Variants in FANCD2 observed in about 807,000 individuals in gnomAD.
FANCD2 encodes the protein Fanconi anemia group D2 protein.
A neutral mutation model predicts 192.3 loss-of-function variants in FANCD2; 131 were observed. That is an observed-to-expected ratio of 0.68 (90% CI 0.59 to 0.79). The LOEUF (loss-of-function observed/expected upper bound fraction) is 0.79, where lower values mean the gene tolerates loss of function less well. Ranked by LOEUF, FANCD2 falls within the 30% of genes least tolerant of loss-of-function variation. The pLI is 0.00. For synonymous variants in FANCD2, 524 were observed against 612.5 expected, an observed-to-expected ratio of 0.86 and a Z score of 2.13; for missense variants, 1,508 against 1,701.6, an observed-to-expected ratio of 0.89 and a Z score of 2.00.
intron 14 of FANCD2, chr3:10,045,770 T>A (rs2086988579): frequency 6.6e-6 from 1 of 151,820 alleles, no homozygotes; most frequent in Non-Finnish European, 1.5e-5. Context: ...CCCGGCTAAT[T>A]TGTGTATTTT....
intron 38 of FANCD2, among the ~76,000 whole-genome samples, chr3:10,092,725 C>T (rs1445276766): frequency 1.5e-5 from 2 of 132,010 alleles, no homozygotes; most frequent in African/African-American, 5.7e-5. Flanking sequence ...CAGGGTCTCA[C>T]TCTGTTGTCC....
chr3:10,046,809 G>C, intron 15 of FANCD2, 86 bp downstream of exon 15: 1 of 1,133,020 alleles, frequency 8.8e-7, no homozygotes, highest in Non-Finnish European at 1.3e-6. Context: ...TCAGTCCATT[G>C]TTCAAACCCA....
intron 32 of FANCD2, among the ~76,000 whole-genome samples, chr3:10,085,394 CTT>C (rs1242296810): frequency 2.9e-5 from 4 of 136,892 alleles, no homozygotes; most frequent in Admixed American, 7.2e-5. Context: ...TTTTTTCTTT[CTT>C]TTTTTTTTTT....
chr3:10,067,648 A>C (rs1456871719), intron 26 of FANCD2, among the ~76,000 whole-genome samples: 2 of 152,182 alleles, frequency 1.3e-5, no homozygotes, highest in African/African-American at 4.8e-5. Context: ...ACATACAAAA[A>C]TTAGCCAGGC....
chr3:10,053,903 A>C (rs1228218480), intron 18 of FANCD2, among the ~76,000 whole-genome samples: 1 of 152,128 alleles, frequency 6.6e-6, no homozygotes, highest in Non-Finnish European at 1.5e-5. Flanking sequence ...TGTGAACTTC[A>C]CGTGGGCTTG....
intron 19 of FANCD2, among the ~76,000 whole-genome samples, chr3:10,061,167 A>G (rs2087557241): frequency 6.6e-6 from 1 of 152,236 alleles, no homozygotes; most frequent in East Asian, 1.9e-4. Context: ...GGCATACAGC[A>G]TACATCATAA....
At chr3:10,048,833 C>T (rs1362461507) in intron 16 of FANCD2, among the ~76,000 whole-genome samples, 1 of 152,242 alleles carries the variant, frequency 6.6e-6, no homozygotes, top group Non-Finnish European at 1.5e-5. Flanking sequence ...GTAGCTGTTG[C>T]AGTTGAAAAT....
In FANCD2 at chr3:10,101,097, AG is replaced by A; in HGVS notation, c.4282-90del. 3.1e-6 allele frequency: 3 copies of A among 975,284 alleles called. No homozygotes were observed. In the East Asian group the frequency reaches 7.3e-5, roughly 24 times the overall value. The allele number at this position is 975,284 out of a possible 1,614,324, so 60.4% of individuals were successfully genotyped here. On this transcript the variant is annotated intron_variant, in intron 43 of 43. Transcript: ENST00000675286. ...AAAAAAAAGTTTTAACAGTGATAAT[AG>A]TACAGTTGTGTATCCTCTAGGAGCT...
intron 37 of FANCD2, 43 bp downstream of exon 37, chr3:10,090,428 A>G: frequency 1.1e-6 from 1 of 903,402 alleles, no homozygotes; most frequent in Non-Finnish European, 1.7e-6. Context: ...ACTTTGGATT[A>G]CTTGGAAGTT....
chr3:10,051,366 G>A (rs1279282416), intron 17 of FANCD2, among the ~76,000 whole-genome samples: 1 of 116,990 alleles, frequency 8.5e-6, no homozygotes, highest in East Asian at 2.9e-4. Context: ...GGGCGACAGA[G>A]CGAGACTCCG....
chr3:10,052,581 C>T (rs368099170), intron 18 of FANCD2, 84 bp downstream of exon 18: 41 of 906,178 alleles, frequency 4.5e-5, no homozygotes, highest in Middle Eastern at 3.3e-4. Flanking sequence ...GCAGTTGGCA[C>T]GATCTCAGCT....
chr3:10,031,300 G>A (rs2086588261), intron 2 of FANCD2, among the ~76,000 whole-genome samples: 7 of 152,088 alleles, frequency 4.6e-5, no homozygotes, highest in South Asian at 4.1e-4. Context: ...TCAGGAGATT[G>A]AGACCATCTT....
chr3:10,075,047 G>A (rs1044401310), intron 29 of FANCD2, among the ~76,000 whole-genome samples: 1 of 152,114 alleles, frequency 6.6e-6, no homozygotes, highest in African/African-American at 2.4e-5. Context: ...TGCTTACTGA[G>A]TCCTATTTTG....
chr3:10,069,737 T>G (rs1693071120), intron 26 of FANCD2, among the ~76,000 whole-genome samples: 1 of 152,156 alleles, frequency 6.6e-6, no homozygotes. Context: ...GTGCCGGGAT[T>G]GCAGACGGAG....
chr3:10,085,053 G>A (rs2125067652), intron 32 of FANCD2, among the ~76,000 whole-genome samples: 1 of 152,286 alleles, frequency 6.6e-6, no homozygotes, highest in East Asian at 1.9e-4. Context: ...AGATAGAAAT[G>A]TCAAGACTTG....
intron 42 of FANCD2, 75 bp downstream of exon 42, chr3:10,096,547 G>T (rs1694978780): frequency 1.4e-6 from 2 of 1,399,318 alleles, no homozygotes. Context: ...ATGTAAGGAA[G>T]GTCACCTAAG....
chr3:10,095,919 T>C (rs528953711), intron 41 of FANCD2, among the ~76,000 whole-genome samples: 24 of 151,676 alleles, frequency 1.6e-4, no homozygotes, highest in Non-Finnish European at 1.3e-4. Context: ...TCTCGCTTTG[T>C]AGCCCAGGCC....
At chr3:10,062,251 T>G (rs1372797556) in intron 20 of FANCD2, 40 bp downstream of exon 20, 1 of 1,567,982 alleles carries the variant, frequency 6.4e-7, no homozygotes, top group Non-Finnish European at 8.7e-7. Flanking sequence ...TCCTGTCTTT[T>G]TTTTTTTTTT....
chr3:10,053,945 G>A (rs1198480392), intron 18 of FANCD2, among the ~76,000 whole-genome samples: 1 of 152,052 alleles, frequency 6.6e-6, no homozygotes, highest in Non-Finnish European at 1.5e-5. Context: ...CACTGAAAAA[G>A]CCAGGCTGTA....
Sources: allele counts gnomAD v4.1 joint callset (sites outside exome capture counted in the v4.1 genomes callset), GRCh38; gene constraint gnomAD v4.1.1; transcripts MANE v1.5; gene names NCBI Gene and HGNC (gene_info 2026-07-23, HGNC 2026-07-21).